The following TVP23C variants were observed in gnomAD, a reference collection of about 807,000 sequenced individuals.
TVP23C encodes Golgi apparatus membrane protein TVP23 homolog C.
In TVP23C, 19 loss-of-function variants were observed where a neutral mutation model predicts 28.7. The observed-to-expected ratio is 0.66, with a 90% confidence interval of 0.46 to 0.97. The LOEUF (loss-of-function observed/expected upper bound fraction) is 0.97. Ranked by LOEUF, TVP23C falls within the 50% of genes least tolerant of loss-of-function variation. The pLI, the probability that TVP23C is intolerant of heterozygous loss-of-function variation, is 0.00. For synonymous variants in TVP23C, 68 were observed against 81.7 expected, an observed-to-expected ratio of 0.83 and a Z score of 0.90; for missense variants, 186 against 241.3, an observed-to-expected ratio of 0.77 and a Z score of 1.52.
At chr17:15,549,427 CAT>C (rs1983790999) in intron 3 of TVP23C, among the ~76,000 whole-genome samples, 1 of 152,138 alleles carries the variant, frequency 6.6e-6, no homozygotes, top group Non-Finnish European at 1.5e-5. Flanking sequence ...GTATTTTACA[CAT>C]GTTAAGATAT....
At position 15,560,898 on chromosome 17, in the gene TVP23C, T is replaced by C. The variant is rs1279123665; in HGVS notation, c.12+2539A>G. Among the ~76,000 whole-genome samples, 17 of 150,556 alleles carry C rather than the reference T, an allele frequency of 1.1e-4. 1 individual carries two copies. Among genetic ancestry groups the C allele is most frequent in the Non-Finnish European group, 2.5e-4 (17 of 67,290 alleles). ...TAAGAGAAATTAAAACACGTTTATATGTTGATGTGAGCAAACGTTTAAAAG... is the reference window on the plus strand; with the variant it reads ...TAAGAGAAATTAAAACACGTTTATACGTTGATGTGAGCAAACGTTTAAAAG... On this transcript the variant is annotated intron_variant, in intron 1 of 5. Transcript: ENST00000518321.
chr17:15,541,919 T>C (rs1476329395), intron 5 of TVP23C, among the ~76,000 whole-genome samples: 2 of 152,194 alleles, frequency 1.3e-5, no homozygotes, highest in East Asian at 1.9e-4. Context: ...TGCTAAGGCA[T>C]CGATTTACTC....
chr17:15,524,063 G>GGGGTGTGTGT (rs1216462843), intron 5 of TVP23C, among the ~76,000 whole-genome samples: 1 of 136,350 alleles, frequency 7.3e-6, no homozygotes, highest in African/African-American at 2.8e-5. Context: ...AGCAGAGTGG[G>GGGGTGTGTGT]GTGTGTGTGT....
rs984150236 is a variant in TVP23C, at chr17:15,548,354, T to C, written c.241-1206A>G. On this transcript the variant is annotated intron_variant, in intron 3 of 5. Coordinates refer to ENST00000518321, the MANE Select transcript of TVP23C (RefSeq NM_001135036.2). ...GCTAATTTTGTATTTTTAGTAGAGA[T>C]GGGGTTTCTCCATGTCGGTCAGGTT... Among the ~76,000 whole-genome samples the C allele has an allele frequency of 1.2e-4, 19 of 152,172 alleles. 1 individual carries two copies. Among genetic ancestry groups the C allele is most frequent in the African/African-American group, 3.9e-4 (16 of 41,440 alleles).
chr17:15,539,158 C>A lies in TVP23C; in HGVS notation c.*1254G>T, dbSNP rs775419166. 5.3e-6 allele frequency: 5 copies of A among 945,486 alleles called. No individual in the cohort carries two copies. Among genetic ancestry groups the A allele is most frequent in the Non-Finnish European group, 6.3e-6 (5 of 793,694 alleles). 58.6% of individuals were successfully genotyped at this position (945,486 alleles called of 1,614,324 possible). On this transcript the variant is annotated 3_prime_UTR_variant, in exon 6 of 6. Transcript: ENST00000518321. The stretch of plus-strand genomic sequence containing the variant: ...AAATGCAAATTATGAGACTCCACCC[C>A]CAGATCTACTGAATAAGGAGTCTGG...
In TVP23C at chr17:15,553,911, A is replaced by G. The variant is rs1254383470; in HGVS notation, c.96-82T>C. On this transcript the variant is annotated intron_variant, in intron 2 of 5. Transcript: ENST00000518321. The stretch of plus-strand genomic sequence containing the variant: ...AAATGTAGAGAAAAATGTTTTAGCC[A>G]TCGTGTAACTGTGAAGAGTTTTGTC... 4.4e-6 allele frequency: 7 copies of G among 1,595,444 alleles called. No individual in the cohort carries two copies. The African/African-American group carries it at 9.4e-5, about 22-fold the overall frequency.
chr17:15,544,663 G>A (rs1983564588), intron 5 of TVP23C, among the ~76,000 whole-genome samples: 1 of 152,050 alleles, frequency 6.6e-6, no homozygotes, highest in Non-Finnish European at 1.5e-5. Context: ...CCATTTTCCA[G>A]AGCAGGAACT....
At chr17:15,558,105 A>C (rs1239085227) in intron 1 of TVP23C, among the ~76,000 whole-genome samples, 1 of 149,596 alleles carries the variant, frequency 6.7e-6, no homozygotes, top group Non-Finnish European at 1.5e-5. Context: ...TGGTTCAGAT[A>C]TAATTGCTTT....
downstream of TVP23C, among the ~76,000 whole-genome samples, chr17:15,535,743 T>G (rs1983126899): frequency 6.6e-6 from 1 of 152,174 alleles, no homozygotes; most frequent in African/African-American, 2.4e-5. Flanking sequence ...ACTGGAGTTG[T>G]TAGTACAATA....
chr17:15,533,671 C>T (rs375550902), downstream of TVP23C, among the ~76,000 whole-genome samples: 128 of 152,164 alleles, frequency 8.4e-4, 3 homozygotes, highest in East Asian at 0.022. Flanking sequence ...GATCACACAC[C>T]ATGGGGAACC....
Position 15,538,588 on chromosome 17 carries a change from C to G in TVP23C, c.*1824G>C, listed in dbSNP as rs1983264057. 1.0e-6 allele frequency: 1 copy of G among 979,736 alleles called. No individual in the cohort carries two copies. The highest frequency in any genetic ancestry group is 1.8e-5 in the African/African-American group (1 of 56,414). 60.7% of individuals were successfully genotyped at this position (979,736 alleles called of 1,614,324 possible). ...CTGGGCAAACAGAGTGAGACTCTGT[C>G]TCAAAAAAAATAAATAAATAAAAAA... On this transcript the variant is annotated 3_prime_UTR_variant, in exon 6 of 6. Coordinates refer to ENST00000518321, the MANE Select transcript of TVP23C (RefSeq NM_001135036.2).
At chr17:15,511,482 G>A (rs552284622) in intron 5 of TVP23C, among the ~76,000 whole-genome samples, 8 of 152,096 alleles carry the variant, frequency 5.3e-5, no homozygotes, top group Non-Finnish European at 1.0e-4. Flanking sequence ...CCAAACAACT[G>A]GTTTTAGGTC....
intron 5 of TVP23C, among the ~76,000 whole-genome samples, chr17:15,528,918 C>T (rs1402173417): frequency 3.3e-5 from 5 of 152,046 alleles, no homozygotes; most frequent in Non-Finnish European, 5.9e-5. Context: ...GTTTATAGTG[C>T]TTTTGAATCC....
chr17:15,517,646 T>G (rs7215138), intron 5 of TVP23C, among the ~76,000 whole-genome samples: 100,727 of 152,162 alleles, frequency 0.66, 34,415 homozygotes, highest in African/African-American at 0.79. Context: ...TATCCATCAC[T>G]TGCTTGACAC....
At chr17:15,507,138 G>C (rs934379051) in intron 5 of TVP23C, 1 of 835,478 alleles carries the variant, frequency 1.2e-6, no homozygotes, top group African/African-American at 1.7e-5. Context: ...AAAGCATACA[G>C]GTCCTGACAT....
At chr17:15,505,043 T>C (rs936441548) in intron 5 of TVP23C, among the ~76,000 whole-genome samples, 16 of 152,140 alleles carry the variant, frequency 1.1e-4, no homozygotes, top group South Asian at 2.1e-4. Context: ...CACAGTTATA[T>C]ACTGATTACA....
exon 6 of TVP23C, chr17:15,502,936 A>G (rs1303244645): frequency 6.2e-7 from 1 of 1,613,048 alleles, no homozygotes; most frequent in African/African-American, 1.3e-5. Context: ...GACTCTCCCC[A>G]CCTCCCCTCC....
rs1034967289 is a variant in TVP23C at position 15,552,042 on chromosome 17, C to T, written c.240+1643G>A. ...AAACAAAAATAAACAAACAAATAAA[C>T]CTTATCAGAAAATAAACTATTTTGA... On this transcript the variant is annotated intron_variant, in intron 3 of 5. Coordinates refer to ENST00000518321, the MANE Select transcript of TVP23C (RefSeq NM_001135036.2). 2.6e-3 allele frequency among the ~76,000 whole-genome samples: 397 copies of T among 152,180 alleles called. 2 individuals are homozygous for T. Among genetic ancestry groups the T allele is most frequent in the African/African-American group, 8.9e-3 (368 of 41,512 alleles).
intron 5 of TVP23C, among the ~76,000 whole-genome samples, chr17:15,522,257 A>G (rs866738890): frequency 3.3e-5 from 5 of 152,372 alleles, no homozygotes; most frequent in Non-Finnish European, 7.3e-5. Context: ...GTAAAAAGGA[A>G]ATTCACAAAT....
Sources: allele counts gnomAD v4.1 joint callset (sites outside exome capture counted in the v4.1 genomes callset), GRCh38; gene constraint gnomAD v4.1.1; transcripts MANE v1.5; gene names NCBI Gene and HGNC (gene_info 2026-07-23, HGNC 2026-07-21).